SLC71A2: variants seen among roughly 807,000 people sequenced by gnomAD.
SLC71A2 encodes solute carrier family 71 member 2.
chr9:94,402,141 C>T, the SLC71A2 span, among the ~76,000 whole-genome samples: 1 of 152,126 alleles, frequency 6.6e-6, no homozygotes, highest in African/African-American at 2.4e-5. Flanking sequence ...ATCTTGTGCT[C>T]CCTATCTTCA....
chr9:94,453,983 G>A, the SLC71A2 span: 3 of 1,613,882 alleles, frequency 1.9e-6, no homozygotes, highest in Non-Finnish European at 2.5e-6. Flanking sequence ...ATCTTGATGA[G>A]ATCATTAGGA....
At chr9:94,433,222 C>T in the SLC71A2 span, 1 of 237,872 alleles carries the variant, frequency 4.2e-6, no homozygotes, top group Non-Finnish European at 8.6e-6. Context: ...CATGGCTGAA[C>T]ACTCTGGGCT....
chr9:94,395,201 A>C, the SLC71A2 span, among the ~76,000 whole-genome samples: 1 of 151,050 alleles, frequency 6.6e-6, no homozygotes, highest in African/African-American at 2.4e-5. Flanking sequence ...GGGATGAACC[A>C]CCATGCTTGG....
the SLC71A2 span, chr9:94,460,566 A>G: frequency 3.3e-5 from 5 of 152,590 alleles, no homozygotes; most frequent in African/African-American, 4.8e-5. Flanking sequence ...TTACAGATTT[A>G]TATGTATTTT....
the SLC71A2 span, among the ~76,000 whole-genome samples, chr9:94,442,128 T>A: frequency 6.6e-6 from 1 of 152,152 alleles, no homozygotes. Flanking sequence ...TCTGGCTAGG[T>A]TGTGGGGAAT....
the SLC71A2 span, among the ~76,000 whole-genome samples, chr9:94,384,031 C>G: frequency 6.6e-6 from 1 of 152,166 alleles, no homozygotes; most frequent in Non-Finnish European, 1.5e-5. Flanking sequence ...AAGTTACCAT[C>G]TTAACCATTC....
the SLC71A2 span, among the ~76,000 whole-genome samples, chr9:94,393,932 T>A: frequency 1.3e-5 from 1 of 78,006 alleles, no homozygotes; most frequent in African/African-American, 5.7e-5. Flanking sequence ...CCCCAACACC[T>A]AGCTGGTATA....
the SLC71A2 span, among the ~76,000 whole-genome samples, chr9:94,447,336 T>C: frequency 1.3e-5 from 2 of 152,006 alleles, no homozygotes; most frequent in African/African-American, 4.8e-5. Flanking sequence ...TGCACTACCA[T>C]GCCCAGCCAA....
At chr9:94,375,637 T>C in the SLC71A2 span, among the ~76,000 whole-genome samples, 1 of 151,064 alleles carries the variant, frequency 6.6e-6, no homozygotes, top group Non-Finnish European at 1.5e-5. Flanking sequence ...TTTTTTTTGG[T>C]CTTAGGACCT....
At chr9:94,440,739 T>C in the SLC71A2 span, among the ~76,000 whole-genome samples, 1 of 152,172 alleles carries the variant, frequency 6.6e-6, no homozygotes, top group African/African-American at 2.4e-5. Flanking sequence ...CCCTTATTCT[T>C]TGTTTTTCCT....
At chr9:94,399,133 A>C in the SLC71A2 span, among the ~76,000 whole-genome samples, 2 of 152,140 alleles carry the variant, frequency 1.3e-5, no homozygotes, top group South Asian at 4.1e-4. Flanking sequence ...TTCAGCTTTT[A>C]ACATTTAACT....
chr9:94,459,427 G>A, the SLC71A2 span: 2 of 1,612,660 alleles, frequency 1.2e-6, no homozygotes, highest in African/African-American at 2.7e-5. Flanking sequence ...GGCAGAAAGT[G>A]GGATTCTGCA....
chr9:94,425,142 C>A, the SLC71A2 span, among the ~76,000 whole-genome samples: 1 of 151,456 alleles, frequency 6.6e-6, no homozygotes, highest in African/African-American at 2.4e-5. Context: ...GGCGAAACCC[C>A]ATATCTACTA....
At chr9:94,435,188 T>G in the SLC71A2 span, among the ~76,000 whole-genome samples, 6 of 152,340 alleles carry the variant, frequency 3.9e-5, no homozygotes, top group East Asian at 1.2e-3. Flanking sequence ...GCTTGAAAAT[T>G]TAATTCTCCA....
At chr9:94,397,967 A>G in the SLC71A2 span, among the ~76,000 whole-genome samples, 6 of 152,134 alleles carry the variant, frequency 3.9e-5, no homozygotes, top group Admixed American at 6.5e-5. Flanking sequence ...GGAAGTCACT[A>G]TGTGCAGCCC....
At chr9:94,431,429 CAT>C in the SLC71A2 span, among the ~76,000 whole-genome samples, 3 of 150,452 alleles carry the variant, frequency 2.0e-5, no homozygotes, top group African/African-American at 4.9e-5. Flanking sequence ...ATTAATAAAT[CAT>C]ATTTATTATT....
At chr9:94,424,578 A>G in the SLC71A2 span, among the ~76,000 whole-genome samples, 4 of 151,918 alleles carry the variant, frequency 2.6e-5, no homozygotes, top group Non-Finnish European at 5.9e-5. Context: ...ATTTTCCTCA[A>G]GATTGCCTTG....
At chr9:94,446,845 A>G in the SLC71A2 span, 1 of 1,606,948 alleles carries the variant, frequency 6.2e-7, no homozygotes, top group Admixed American at 1.7e-5. Context: ...GTTGGAAAAG[A>G]TTCTACTGTC....
chr9:94,417,563 G>T, the SLC71A2 span, among the ~76,000 whole-genome samples: 3 of 152,102 alleles, frequency 2.0e-5, no homozygotes, highest in Admixed American at 2.0e-4. Context: ...GGGGATGGAG[G>T]TTACAGTGAG....
Sources: gnomAD v4.1 joint callset for allele counts (sites outside exome capture counted in the v4.1 genomes callset) on GRCh38, gnomAD v4.1.1 for gene constraint, MANE v1.5 for transcripts, NCBI Gene and HGNC (gene_info 2026-07-23, HGNC 2026-07-21) for gene names.